The following CSMD1 variants were observed in gnomAD, a reference collection of about 807,000 sequenced individuals.
CSMD1 encodes CUB and Sushi multiple domains 1, also known as CUB and sushi domain-containing protein 1.
In CSMD1, 213 loss-of-function variants were observed where a neutral mutation model predicts 417.5. That is an observed-to-expected ratio of 0.51 (90% CI 0.46 to 0.57). The LOEUF (loss-of-function observed/expected upper bound fraction) is 0.57. Ranked by LOEUF, CSMD1 falls within the 20% of genes least tolerant of loss-of-function variation. The pLI, the probability that CSMD1 is intolerant of heterozygous loss-of-function variation, is 0.00. For missense variants in CSMD1, 6,923 were observed against 4,529.7 expected, an observed-to-expected ratio of 1.53 and a Z score of -15.17; for synonymous variants, 2,862 against 1,736.8, an observed-to-expected ratio of 1.65 and a Z score of -16.11.
intron 3 of CSMD1, among the ~76,000 whole-genome samples, chr8:4,281,415 G>A (rs1796778388): frequency 6.6e-6 from 1 of 152,168 alleles, no homozygotes. Context: ...AAATTATCAT[G>A]TCTAAAGCTA....
rs534663542 is a variant in CSMD1 at position 2,974,348 on chromosome 8, T to G, written c.8740+103A>C. The G allele has an allele frequency of 4.4e-6, 5 of 1,125,802 alleles. No individual in the cohort carries two copies. The African/African-American group carries it at 6.3e-5, about 14-fold the overall frequency. The allele number at this position is 1,125,802 out of a possible 1,614,324, so 69.7% of individuals were successfully genotyped here. On this transcript the variant is annotated intron_variant, in intron 56 of 69. Transcript: ENST00000635120. ...TACTAATTTCAAATAAATGCATAAT[T>G]ATAGGGCTTTTCAAATAACTGTAAA... is the stretch of plus-strand genomic sequence containing the variant.
intron 1 of CSMD1, among the ~76,000 whole-genome samples, chr8:4,957,721 T>C (rs1031690757): frequency 1.3e-5 from 2 of 152,206 alleles, no homozygotes; most frequent in African/African-American, 4.8e-5. Flanking sequence ...TCTTACCATG[T>C]CTCTTTTCCC....
chr8:4,884,031 G>C lies in CSMD1; in HGVS notation c.85+110301C>G, dbSNP rs184206534. 3.3e-5 allele frequency among the ~76,000 whole-genome samples: 5 copies of C among 151,994 alleles called. 1 individual carries two copies. The highest frequency in any genetic ancestry group is 9.7e-5 in the African/African-American group (4 of 41,354). On this transcript the variant is annotated intron_variant, in intron 1 of 69. Coordinates refer to ENST00000635120, the MANE Select transcript of CSMD1 (RefSeq NM_033225.6). ...TATTTTTGATAATAGCCTTCGTAGTGAATGTCAAATGGTGTCTCACTATGG... is the reference window on the plus strand; with the variant it reads ...TATTTTTGATAATAGCCTTCGTAGTCAATGTCAAATGGTGTCTCACTATGG...
chr8:3,749,719 T>C (rs1299640691), intron 6 of CSMD1, among the ~76,000 whole-genome samples: 2 of 152,170 alleles, frequency 1.3e-5, no homozygotes, highest in African/African-American at 4.8e-5. Flanking sequence ...AAACGAATCA[T>C]ACGGTTTATG....
chr8:3,391,591 G>C (rs548603673), intron 17 of CSMD1, among the ~76,000 whole-genome samples: 1 of 152,290 alleles, frequency 6.6e-6, no homozygotes, highest in African/African-American at 2.4e-5. Flanking sequence ...TCCTAAGACT[G>C]AGTGCATGAA....
At chr8:3,921,315 G>C (rs190346091) in intron 5 of CSMD1, among the ~76,000 whole-genome samples, 13 of 151,902 alleles carry the variant, frequency 8.6e-5, no homozygotes, top group African/African-American at 2.9e-4. Context: ...TAGCATAAGA[G>C]TTTATCATTT....
intron 10 of CSMD1, among the ~76,000 whole-genome samples, chr8:3,551,316 T>A (rs904280579): frequency 6.6e-6 from 1 of 152,170 alleles, no homozygotes; most frequent in Non-Finnish European, 1.5e-5. Context: ...TATATCAATA[T>A]GTGAATGTTT....
At chr8:3,390,587 G>T (rs1043956812) in intron 17 of CSMD1, among the ~76,000 whole-genome samples, 5 of 151,602 alleles carry the variant, frequency 3.3e-5, no homozygotes, top group Non-Finnish European at 5.9e-5. Flanking sequence ...TTCAGAGTCT[G>T]TTCCCACTCC....
chr8:3,386,412 C>T (rs1332794359), intron 18 of CSMD1, among the ~76,000 whole-genome samples: 1 of 152,178 alleles, frequency 6.6e-6, no homozygotes, highest in East Asian at 1.9e-4. Flanking sequence ...CCCACACTTC[C>T]TGAGAGGGCT....
At chr8:3,579,031 C>G (rs140506068) in intron 9 of CSMD1, among the ~76,000 whole-genome samples, 9 of 152,292 alleles carry the variant, frequency 5.9e-5, no homozygotes, top group African/African-American at 2.2e-4. Flanking sequence ...GAGTAAAATT[C>G]ACCGACATGC....
At chr8:3,839,971 T>C (rs1396091978) in intron 5 of CSMD1, among the ~76,000 whole-genome samples, 1 of 151,962 alleles carries the variant, frequency 6.6e-6, no homozygotes, top group Admixed American at 6.6e-5. Flanking sequence ...AAGCATTGGG[T>C]GAGATGTTGA....
rs569061080 is a variant in CSMD1 at position 3,678,288 on chromosome 8, A to G, written c.1009+30126T>C. 5.3e-5 allele frequency among the ~76,000 whole-genome samples: 8 copies of G among 152,332 alleles called. No homozygotes were observed. In the South Asian group the frequency reaches 6.2e-4, roughly 12 times the overall value. ...CATCGCAAAGAAGTTAAAAACTTTG[A>G]AAAATGATTAGACGAATGGCTAACT... is the stretch of plus-strand genomic sequence containing the variant. On this transcript the variant is annotated intron_variant, in intron 7 of 69. Transcript: ENST00000635120.
Position 4,360,209 on chromosome 8 carries a change from T to C in CSMD1, c.415+59744A>G, listed in dbSNP as rs115585514. Reference sequence around the variant, plus strand: ...TAAACGCGTGGCATTTGTCACCATTTTAGGGGGTAACCCTTCTCATCTAAT... The same window carrying C: ...TAAACGCGTGGCATTTGTCACCATTCTAGGGGGTAACCCTTCTCATCTAAT... On this transcript the variant is annotated intron_variant, in intron 3 of 69. Coordinates refer to ENST00000635120, the MANE Select transcript of CSMD1 (RefSeq NM_033225.6). 6.0e-3 allele frequency among the ~76,000 whole-genome samples: 921 copies of C among 152,278 alleles called. 12 individuals carry two copies. Among genetic ancestry groups the C allele is most frequent in the African/African-American group, 0.02 (851 of 41,554 alleles).
chr8:4,200,528 T>C (rs1350183750), intron 3 of CSMD1, among the ~76,000 whole-genome samples: 2 of 152,176 alleles, frequency 1.3e-5, no homozygotes, highest in African/African-American at 2.4e-5. Context: ...TAGAAATGTA[T>C]ATTAATATAA....
intron 3 of CSMD1, among the ~76,000 whole-genome samples, chr8:4,293,977 G>C (rs920690653): frequency 6.6e-6 from 1 of 151,800 alleles, no homozygotes; most frequent in African/African-American, 2.4e-5. Flanking sequence ...GGTGCTTTTT[G>C]AACTTACCAA....
At chr8:3,223,070 A>G (rs1798307970) in intron 28 of CSMD1, among the ~76,000 whole-genome samples, 1 of 152,226 alleles carries the variant, frequency 6.6e-6, no homozygotes, top group African/African-American at 2.4e-5. Context: ...TCAAAAGTCA[A>G]AGTCTAAAGT....
At chr8:3,770,023 C>G (rs1340961894) in intron 5 of CSMD1, among the ~76,000 whole-genome samples, 1 of 152,126 alleles carries the variant, frequency 6.6e-6, no homozygotes, top group Non-Finnish European at 1.5e-5. Context: ...TAGATCCGGC[C>G]AATTTTCTAC....
chr8:3,862,719 G>T (rs1336067076), intron 5 of CSMD1, among the ~76,000 whole-genome samples: 1 of 152,176 alleles, frequency 6.6e-6, no homozygotes, highest in Non-Finnish European at 1.5e-5. Context: ...CAAAACAACT[G>T]AGTAAGGGAG....
At chr8:4,352,884 T>C (rs1470210435) in intron 3 of CSMD1, among the ~76,000 whole-genome samples, 1 of 152,220 alleles carries the variant, frequency 6.6e-6, no homozygotes, top group Non-Finnish European at 1.5e-5. Flanking sequence ...TCAGCCATAA[T>C]TACCTCAGAA....
Sources: gnomAD v4.1 joint callset for allele counts (sites outside exome capture counted in the v4.1 genomes callset) on GRCh38, gnomAD v4.1.1 for gene constraint, MANE v1.5 for transcripts, NCBI Gene and HGNC (gene_info 2026-07-23, HGNC 2026-07-21) for gene names.